Variants in LSG1 observed in about 807,000 individuals in gnomAD.
LSG1 encodes the protein large 60S subunit nuclear export GTPase 1, also known as large subunit GTPase 1 homolog.
LSG1 carries 55 observed loss-of-function variants against 82.6 expected under a neutral mutation model. The observed-to-expected ratio is 0.67, with a 90% CI of 0.54 to 0.83. LSG1 has a LOEUF of 0.83. Ranked by LOEUF, LSG1 falls within the 40% of genes least tolerant of loss-of-function variation. LSG1 has a pLI of 0.00. For missense variants in LSG1, 809 were observed against 807.9 expected (o/e 1.00, Z -0.02); for synonymous variants, 272 against 282.5 (o/e 0.96, Z 0.37).
chr3:194,667,756 C>T (rs1261523194), intron 2 of LSG1, among the ~76,000 whole-genome samples: 1 of 150,856 alleles, frequency 6.6e-6, no homozygotes, highest in African/African-American at 2.4e-5. Flanking sequence ...ACCCCCGTCT[C>T]TAGTAAAAAT....
intron 10 of LSG1, 67 bp downstream of exon 10, chr3:194,650,813 GC>G: frequency 6.7e-7 from 1 of 1,495,508 alleles, no homozygotes; most frequent in Non-Finnish European, 9.0e-7. Context: ...TCCCTCAAAT[GC>G]CCAAAATAAA....
rs200889488 is a variant in LSG1 at position 194,668,454 on chromosome 3, A to AT, written c.226+1554dup. On this transcript the variant is annotated intron_variant, in intron 2 of 13. Transcript: ENST00000265245. ...ACCAACATTTGTTATAGTCTCTTTTATTTTAGCTATCCTAGTGGGTGAAGT... is the reference window on the plus strand; with the variant it reads ...ACCAACATTTGTTATAGTCTCTTTTATTTTTAGCTATCCTAGTGGGTGAAGT... Among the ~76,000 whole-genome samples, 836 of 152,240 alleles carry AT rather than the reference A, an allele frequency of 5.5e-3. 5 individuals are homozygous for AT. The highest frequency in any genetic ancestry group is 0.017 in the African/African-American group (704 of 41,538).
chr3:194,667,061 CTT>C (rs1324848989), intron 2 of LSG1, among the ~76,000 whole-genome samples: 1 of 127,962 alleles, frequency 7.8e-6, no homozygotes, highest in Admixed American at 8.3e-5. Context: ...AACTTGCTTT[CTT>C]TGTCTTCTGT....
At chr3:194,643,372 T>A (rs1037480370) in intron 13 of LSG1, among the ~76,000 whole-genome samples, 2 of 152,190 alleles carry the variant, frequency 1.3e-5, no homozygotes, top group Non-Finnish European at 1.5e-5. Context: ...ATCCAGAATA[T>A]ATAAAGAACT....
rs1344089340 is a variant in LSG1 at position 194,666,582 on chromosome 3, T to A, written c.227-10A>T. The A allele has an allele frequency of 6.2e-7, 1 of 1,605,272 alleles. No homozygotes were observed. Among genetic ancestry groups the A allele is most frequent in the East Asian group, 2.2e-5 (1 of 44,824 alleles). ...TTAATATTAAGTTTCTCTGTTCAAA[T>A]AAAGAAAAGTACTATTACTTAAGAG... On this transcript the variant is annotated splice_polypyrimidine_tract_variant and intron_variant, in intron 2 of 13. Coordinates refer to ENST00000265245, the MANE Select transcript of LSG1 (RefSeq NM_018385.3).
chr3:194,654,839 A>G (rs1336249876), intron 7 of LSG1, among the ~76,000 whole-genome samples: 2 of 152,338 alleles, frequency 1.3e-5, no homozygotes, highest in East Asian at 3.9e-4. Context: ...TTTCAAGGTG[A>G]CCAAAGGAAA....
In LSG1 at chr3:194,644,583, A is replaced by C; in HGVS notation, c.1787T>G (p.Phe596Cys). 1 of 1,609,952 alleles carries C rather than the reference A, an allele frequency of 6.2e-7. No individual in the cohort carries two copies. The highest frequency in any genetic ancestry group is 8.5e-7 in the Non-Finnish European group (1 of 1,178,798). Residue 596 changes from phenylalanine (F) to cysteine (C), a missense_variant, in exon 13 of 14, where the codon TTT becomes TGT. Phe to Cys is a radical substitution (Grantham distance 205). Transcript: ENST00000265245. ...KQIENIVDKT[F>C]FHQENVRALT... is the part of the protein sequence containing the mutation. Reference sequence around the variant, plus strand: ...AGCTTTAAAACTTACTTGATGGAAAAAAGTTTTGTCAACGATATTTTCAAT... The same window carrying C: ...AGCTTTAAAACTTACTTGATGGAAACAAGTTTTGTCAACGATATTTTCAAT...
intron 7 of LSG1, among the ~76,000 whole-genome samples, chr3:194,658,032 ACG>A (rs975523922): frequency 3.3e-5 from 5 of 152,228 alleles, no homozygotes; most frequent in Non-Finnish European, 7.3e-5. Context: ...CACACACTCC[ACG>A]GTCAACAGAT....
rs748811575 is a variant in LSG1 at position 194,659,017 on chromosome 3, ATCT to A, written c.696_698del (p.Glu232del). 2 of 1,614,178 alleles carry A rather than the reference ATCT, an allele frequency of 1.2e-6. No individual in the cohort carries two copies. Among genetic ancestry groups the A allele is most frequent in the Non-Finnish European group, 1.7e-6 (2 of 1,180,028 alleles). On this transcript the variant is annotated inframe_deletion, in exon 7 of 14. Coordinates refer to ENST00000265245, the MANE Select transcript of LSG1 (RefSeq NM_018385.3). ...AAGCTGACCAGAAAATAACCTTCAC[ATCT>A]TCTTTTTCGAAGTACATGGCCCAGG...
chr3:194,648,642 G>A (rs1400960288), intron 11 of LSG1, 39 bp downstream of exon 11: 2 of 1,606,892 alleles, frequency 1.2e-6, no homozygotes, highest in Non-Finnish European at 1.7e-6. Flanking sequence ...TAGGTATACT[G>A]TTACTTTTGT....
chr3:194,667,470 C>A (rs1560229654), intron 2 of LSG1, among the ~76,000 whole-genome samples: 1 of 152,112 alleles, frequency 6.6e-6, no homozygotes, highest in Non-Finnish European at 1.5e-5. Context: ...TCATACACAC[C>A]CTTACACTTC....
chr3:194,648,820 A>C lies in LSG1; in HGVS notation c.1420-16T>G, dbSNP rs1245219705. On this transcript the variant is annotated splice_polypyrimidine_tract_variant and intron_variant, in intron 10 of 13. Transcript: ENST00000265245. ...TCTGGCAAACGTAGCTTGTCAGGGAATCCATTCTCTTGAACGGACTCCCTC... is the reference window on the plus strand; with the variant it reads ...TCTGGCAAACGTAGCTTGTCAGGGACTCCATTCTCTTGAACGGACTCCCTC... The C allele has an allele frequency of 6.2e-7, 1 of 1,613,628 alleles. No individual in the cohort carries two copies. Among genetic ancestry groups the C allele is most frequent in the South Asian group, 1.1e-5 (1 of 90,998 alleles).
chr3:194,661,201 C>T (rs182000696), intron 5 of LSG1, among the ~76,000 whole-genome samples: 256 of 152,300 alleles, frequency 1.7e-3, no homozygotes, highest in African/African-American at 5.5e-3. Flanking sequence ...CACAGAGTTG[C>T]TAATTTTGGA....
At chr3:194,667,434 C>T (rs1228201532) in intron 2 of LSG1, among the ~76,000 whole-genome samples, 2 of 152,108 alleles carry the variant, frequency 1.3e-5, no homozygotes, top group African/African-American at 2.4e-5. Flanking sequence ...AACCTAAGAA[C>T]ATACTACCAT....
In LSG1 at chr3:194,672,121, C is replaced by A. The variant is rs1158244259; in HGVS notation, c.42G>T (p.Arg14=). 1.9e-6 allele frequency: 3 copies of A among 1,607,890 alleles called. No homozygotes were observed. Among genetic ancestry groups the A allele is most frequent in the Admixed American group, 3.3e-5 (2 of 59,970 alleles). The part of the protein sequence containing the change: ...RRAPAGGSLG[R]ALMRHQTQRS... Reference sequence around the variant, plus strand: ...GCTGAGTCTGATGGCGCATAAGGGCCCGTCCCAGCGACCCACCGGCCGGGG... The same window carrying A: ...GCTGAGTCTGATGGCGCATAAGGGCACGTCCCAGCGACCCACCGGCCGGGG... The change falls in exon 1 of 14, where the codon CGG becomes CGT. Residue 14 remains arginine, a synonymous_variant. Transcript: ENST00000265245.
intron 8 of LSG1, 74 bp from the exon 9 acceptor site, chr3:194,651,290 G>T: frequency 9.8e-7 from 1 of 1,016,166 alleles, no homozygotes; most frequent in Non-Finnish European, 1.5e-6. Flanking sequence ...TGACATAGAT[G>T]GTGGCAAGAC....
Position 194,648,746 on chromosome 3 carries a change from G to T in LSG1, c.1478C>A (p.Thr493Lys). 1 of 1,613,618 alleles carries T rather than the reference G, an allele frequency of 6.2e-7. No homozygotes were observed. Among genetic ancestry groups the T allele is most frequent in the Non-Finnish European group, 8.5e-7 (1 of 1,179,578 alleles). The change falls in exon 11 of 14, where the codon ACG becomes AAG. Residue 493 changes from threonine to lysine, a missense_variant. Transcript: ENST00000265245. ...GTGGGGATCTTCATCCTCTCTAGGC[G>T]TTATGATGTTAATGCCATAGGTAGC... ...LEATYGINII[T>K]PREDEDPHRP...
Position 194,658,308 on chromosome 3 carries a change from C to T in LSG1, c.759+649G>A, listed in dbSNP as rs145561856. ...GATTACAGGCACCCGCCACCATGCCCGGCTAATGTTGTATTTTCAGTAGAG... is the reference window on the plus strand; with the variant it reads ...GATTACAGGCACCCGCCACCATGCCTGGCTAATGTTGTATTTTCAGTAGAG... On this transcript the variant is annotated intron_variant, in intron 7 of 13. Coordinates refer to ENST00000265245, the MANE Select transcript of LSG1 (RefSeq NM_018385.3). 4.4e-3 allele frequency among the ~76,000 whole-genome samples: 676 copies of T among 152,120 alleles called. 6 individuals carry two copies. Among genetic ancestry groups the T allele is most frequent in the African/African-American group, 0.015 (606 of 41,480 alleles).
At position 194,646,278 on chromosome 3, in the gene LSG1, T is replaced by C. The variant is rs1718551742; in HGVS notation, c.1544-35A>G. On this transcript the variant is annotated intron_variant, in intron 11 of 13. Coordinates refer to ENST00000265245, the MANE Select transcript of LSG1 (RefSeq NM_018385.3). ...GAAAAGAATTTTGCAAAATCTTAGATGACAGAATATCACAACAAAGACAAC... is the reference window on the plus strand; with the variant it reads ...GAAAAGAATTTTGCAAAATCTTAGACGACAGAATATCACAACAAAGACAAC... 3.9e-6 allele frequency: 6 copies of C among 1,530,102 alleles called. No homozygotes were observed. The Middle Eastern group carries it at 1.0e-3, about 259-fold the overall frequency. 94.8% of individuals were successfully genotyped at this position (1,530,102 alleles called of 1,614,324 possible).
Sources: gnomAD v4.1 joint callset for allele counts (sites outside exome capture counted in the v4.1 genomes callset) on GRCh38, gnomAD v4.1.1 for gene constraint, MANE v1.5 for transcripts, NCBI Gene and HGNC (gene_info 2026-07-23, HGNC 2026-07-21) for gene names.